Variants in TPRG1 observed in about 807,000 individuals in gnomAD.
The protein encoded by TPRG1 is tumor protein p63 regulated 1.
A neutral mutation model predicts 29.3 loss-of-function variants in TPRG1; 29 were observed. The ratio of observed to expected loss-of-function variants is 0.99; its 90% CI spans 0.74 to 1.35. TPRG1 has a LOEUF of 1.35. TPRG1 is among the 40% of genes most tolerant of loss of function. TPRG1 has a pLI of 0.00. For missense variants in TPRG1, 327 were observed against 335.0 expected (o/e 0.98, Z 0.19); for synonymous variants, 130 against 116.8 (o/e 1.11, Z -0.73).
Position 189,278,132 on chromosome 3 carries a change from C to T in TPRG1, c.480-32254C>T, listed in dbSNP as rs1221261846. ...AGCCTCTGCCACCATGCTCCTTCCACATGCCCTTTGTTGCTTGATTAGGCT... is the reference window on the plus strand; with the variant it reads ...AGCCTCTGCCACCATGCTCCTTCCATATGCCCTTTGTTGCTTGATTAGGCT... On this transcript the variant is annotated intron_variant, in intron 4 of 5. Transcript: ENST00000345063. Among the ~76,000 whole-genome samples the T allele has an allele frequency of 2.6e-5, 4 of 152,202 alleles. No individual in the cohort carries two copies. In the East Asian group the frequency reaches 7.7e-4, roughly 29 times the overall value.
At chr3:189,282,369 G>C (rs1355755396) in intron 4 of TPRG1, among the ~76,000 whole-genome samples, 1 of 152,130 alleles carries the variant, frequency 6.6e-6, no homozygotes, top group Admixed American at 6.5e-5. Flanking sequence ...AGCTCTGGTT[G>C]CTACTTCTAC....
intron 4 of TPRG1, among the ~76,000 whole-genome samples, chr3:189,048,063 T>C (rs915831525): frequency 4.6e-5 from 7 of 152,228 alleles, no homozygotes; most frequent in Non-Finnish European, 1.0e-4. Flanking sequence ...GGTTTTCAAT[T>C]TACTTTAGCC....
At chr3:189,280,910 C>G (rs962202706) in intron 4 of TPRG1, among the ~76,000 whole-genome samples, 4 of 152,168 alleles carry the variant, frequency 2.6e-5, no homozygotes, top group Admixed American at 2.6e-4. Flanking sequence ...CCACTTTTAA[C>G]TACGTATCTA....
intron 5 of TPRG1, among the ~76,000 whole-genome samples, chr3:189,156,072 T>C (rs1399841908): frequency 1.3e-5 from 2 of 152,222 alleles, no homozygotes; most frequent in African/African-American, 4.8e-5. Flanking sequence ...CATAACTATA[T>C]GAAAACATCA....
At chr3:189,271,711 G>A (rs1038296183) in intron 4 of TPRG1, among the ~76,000 whole-genome samples, 1 of 152,214 alleles carries the variant, frequency 6.6e-6, no homozygotes, top group African/African-American at 2.4e-5. Context: ...AAGAGGGAAA[G>A]TGACTTATGT....
At chr3:189,029,025 T>TA (rs11431656) in intron 4 of TPRG1, among the ~76,000 whole-genome samples, 11,206 of 131,656 alleles carry the variant, frequency 0.085, 765 homozygotes, top group African/African-American at 0.2. Flanking sequence ...GTGTTTTCAA[T>TA]AAAAAAAAAA....
At chr3:189,304,935 C>T (rs149514414) in intron 4 of TPRG1, among the ~76,000 whole-genome samples, 77 of 152,278 alleles carry the variant, frequency 5.1e-4, no homozygotes, top group African/African-American at 1.8e-3. Context: ...TACAAGCACA[C>T]GCCCTGCGTT....
chr3:189,211,884 G>C (rs926582757), intron 2 of TPRG1: 1 of 151,888 alleles, frequency 6.6e-6, no homozygotes, highest in South Asian at 2.1e-4. Context: ...AGTCTGCTTG[G>C]ATAACCTTTT....
In TPRG1 at chr3:189,322,457, A is replaced by G. The variant is rs534102024; in HGVS notation, c.*1637A>G. 6.6e-6 allele frequency: 1 copy of G among 152,570 alleles called. No individual in the cohort carries two copies. The highest frequency in any genetic ancestry group is 2.4e-5 in the African/African-American group (1 of 41,512). 9.5% of individuals were successfully genotyped at this position (152,570 alleles called of 1,614,324 possible). A position where few individuals can be genotyped will look rare whatever the true frequency, so the allele number is the denominator to read the frequency against. ...GATGGCAAATATTGTTATAGTCCCC[A>G]AGGCAGGGAACTTCTATTCAGACTG... On this transcript the variant is annotated 3_prime_UTR_variant, in exon 6 of 6. Coordinates refer to ENST00000345063, the MANE Select transcript of TPRG1 (RefSeq NM_198485.4).
chr3:189,284,107 G>C (rs1454343350), intron 4 of TPRG1, among the ~76,000 whole-genome samples: 11 of 151,962 alleles, frequency 7.2e-5, no homozygotes, highest in Non-Finnish European at 1.2e-4. Context: ...TCCCAGGTTT[G>C]GATAAATGTT....
chr3:189,041,017 G>C (rs1466981805), intron 4 of TPRG1, among the ~76,000 whole-genome samples: 6 of 152,168 alleles, frequency 3.9e-5, no homozygotes, highest in Non-Finnish European at 7.3e-5. Flanking sequence ...TTTAGGCTGA[G>C]AGCACCTGCA....
intron 4 of TPRG1, among the ~76,000 whole-genome samples, chr3:189,265,079 C>T (rs1039904126): frequency 1.3e-5 from 2 of 152,124 alleles, no homozygotes; most frequent in East Asian, 3.9e-4. Context: ...AGAAAGAAGC[C>T]ATTTGAATTT....
intron 1 of TPRG1, among the ~76,000 whole-genome samples, chr3:189,126,250 G>A (rs1380818641): frequency 6.6e-6 from 1 of 151,990 alleles, no homozygotes; most frequent in African/African-American, 2.4e-5. Context: ...ATACATGGAG[G>A]GTAGAGCTAT....
At chr3:189,235,208 T>C (rs912283066) in intron 3 of TPRG1, among the ~76,000 whole-genome samples, 1 of 135,892 alleles carries the variant, frequency 7.4e-6, no homozygotes, top group African/African-American at 2.9e-5. Flanking sequence ...GCGGTAAAGA[T>C]GAGGTTTGCT....
rs189393569 is a variant in TPRG1 at position 189,274,706 on chromosome 3, C to T, written c.480-35680C>T. ...CAGGATTTGCTACCTTCTCTCTTTT[C>T]CCTAGACTGAAAAAGGTGAGGCTTG... On this transcript the variant is annotated intron_variant, in intron 4 of 5. Coordinates refer to ENST00000345063, the MANE Select transcript of TPRG1 (RefSeq NM_198485.4). Among the ~76,000 whole-genome samples the T allele has an allele frequency of 2.0e-5, 3 of 152,190 alleles. No homozygotes were observed. The East Asian group carries it at 5.8e-4, about 29-fold the overall frequency.
intron 4 of TPRG1, among the ~76,000 whole-genome samples, chr3:189,242,166 A>G (rs963500435): frequency 5.3e-5 from 8 of 152,162 alleles, no homozygotes; most frequent in Admixed American, 5.2e-4. Flanking sequence ...ATGGCAGGCT[A>G]GATTTCTCGA....
chr3:189,254,941 C>T (rs2109015290), intron 4 of TPRG1, among the ~76,000 whole-genome samples: 1 of 152,258 alleles, frequency 6.6e-6, no homozygotes, highest in African/African-American at 2.4e-5. Context: ...ATGGGGTTTT[C>T]TAAATATACA....
chr3:189,128,265 C>T (rs1430693995), intron 2 of TPRG1, among the ~76,000 whole-genome samples: 2 of 152,110 alleles, frequency 1.3e-5, no homozygotes, highest in Non-Finnish European at 2.9e-5. Context: ...ATGGCCCTTG[C>T]ATGGAATCAT....
chr3:189,036,212 G>A (rs1714258964), intron 4 of TPRG1, among the ~76,000 whole-genome samples: 1 of 152,098 alleles, frequency 6.6e-6, no homozygotes, highest in Admixed American at 6.5e-5. Flanking sequence ...GCTAAACATT[G>A]AGTACACACA....
Sources: gnomAD v4.1 joint callset for allele counts (sites outside exome capture counted in the v4.1 genomes callset) on GRCh38, gnomAD v4.1.1 for gene constraint, MANE v1.5 for transcripts, NCBI Gene and HGNC (gene_info 2026-07-23, HGNC 2026-07-21) for gene names.